The following ANKRD35 variants were observed in gnomAD, a reference collection of about 807,000 sequenced individuals.
The protein encoded by ANKRD35 is ankyrin repeat domain 35.
ANKRD35 carries 102 observed loss-of-function variants against 109.9 expected under a neutral mutation model. The ratio of observed to expected loss-of-function variants is 0.93; its 90% CI spans 0.79 to 1.09. The LOEUF (loss-of-function observed/expected upper bound fraction) is 1.09. ANKRD35 is among the 50% of genes least tolerant of loss of function. The pLI is 0.00. For missense variants in ANKRD35, 1,240 were observed against 1,230.1 expected, an observed-to-expected ratio of 1.01 and a Z score of -0.12; for synonymous variants, 515 against 512.4, an observed-to-expected ratio of 1.01 and a Z score of -0.07.
chr1:145,872,080 C>T lies in ANKRD35; in HGVS notation c.2689G>A (p.Glu897Lys). 1.9e-6 allele frequency: 3 copies of T among 1,613,532 alleles called. No individual in the cohort carries two copies. The highest frequency in any genetic ancestry group is 2.2e-5 in the South Asian group (2 of 91,080). Residue 897 changes from glutamate (E) to lysine (K), a missense_variant, in exon 10 of 14, where the codon GAG (glutamate) becomes AAG (lysine). Coordinates refer to ENST00000355594, the MANE Select transcript of ANKRD35 (RefSeq NM_144698.5). ...AACTGCTCGGAGCGCCCCCGCATCTCGCTGGCCTGGCGCTCTTGTTCGGCT... is the reference window on the plus strand; with the variant it reads ...AACTGCTCGGAGCGCCCCCGCATCTTGCTGGCCTGGCGCTCTTGTTCGGCT... ...QAAEQERQASEMRGRSEQFEK... is the reference protein window; with the variant it reads ...QAAEQERQASKMRGRSEQFEK...
chr1:145,867,898 A>G, intron 12 of ANKRD35, 93 bp downstream of exon 12: 1 of 1,242,734 alleles, frequency 8.0e-7, no homozygotes, highest in Non-Finnish European at 1.2e-6. Flanking sequence ...GCAAGTGTGT[A>G]CAGGGACCCT....
At chr1:145,874,108 G>A (rs1653968732) in intron 9 of ANKRD35, 47 bp downstream of exon 9, 1 of 1,612,228 alleles carries the variant, frequency 6.2e-7, no homozygotes, top group African/African-American at 1.3e-5. Flanking sequence ...CAGTGGGATA[G>A]CCTGGGGTGT....
chr1:145,876,896 G>A lies in ANKRD35; in HGVS notation c.325-23C>T, dbSNP rs201311109. 17 of 1,613,632 alleles carry A rather than the reference G, an allele frequency of 1.1e-5. No homozygotes were observed. In the East Asian group the frequency reaches 1.3e-4, roughly 13 times the overall value. On this transcript the variant is annotated intron_variant, in intron 4 of 13. Coordinates refer to ENST00000355594, the MANE Select transcript of ANKRD35 (RefSeq NM_144698.5). ...ATGCTGCAAATGGCCACAAAGGGAA[G>A]CAGCATGGAGCTTGGTGTTAACATC...
intron 10 of ANKRD35, among the ~76,000 whole-genome samples, chr1:145,871,153 CTTTTTTTTTTTT>C (rs59433424): frequency 1.3e-5 from 1 of 78,098 alleles, no homozygotes; most frequent in Non-Finnish European, 2.6e-5. Flanking sequence ...TTTCTTTTTT[CTTTTTTTTTTTT>C]TTTTTTTTTT....
chr1:145,874,633 TAAAGA>T (rs1192918272), intron 8 of ANKRD35, among the ~76,000 whole-genome samples, 184 bp downstream of exon 8: 1 of 152,218 alleles, frequency 6.6e-6, no homozygotes, highest in African/African-American at 2.4e-5. Context: ...CAGGCTGCAT[TAAAGA>T]ATTTTGTGAT....
At chr1:145,870,805 C>T (rs1016982746) in intron 10 of ANKRD35, among the ~76,000 whole-genome samples, 31 of 151,636 alleles carry the variant, frequency 2.0e-4, no homozygotes, top group Admixed American at 1.8e-3. Context: ...CTGCAACCTC[C>T]ACCTCCCAGG....
rs371021116 is a variant in ANKRD35, at chr1:145,874,934, G to A, written c.633C>T (p.Asp211=). The A allele has an allele frequency of 5.5e-5, 89 of 1,613,264 alleles. No individual in the cohort carries two copies. Among genetic ancestry groups the A allele is most frequent in the African/African-American group, 6.7e-5 (5 of 74,880 alleles). The stretch of plus-strand genomic sequence containing the variant: ...GCCCTGTGCTGTCCACAGCCCCCGC[G>A]TCAGCTCCGTGGCTCAGGAGCAGTT... The part of the protein sequence containing the change: ...VAELLLSHGA[D]AGAVDSTGHD... The change falls in exon 8 of 14, where the codon GAC becomes GAT. Residue 211 remains aspartate (D), a synonymous_variant. Coordinates refer to ENST00000355594, the MANE Select transcript of ANKRD35 (RefSeq NM_144698.5).
chr1:145,877,340 C>T (rs1337820800), intron 4 of ANKRD35, among the ~76,000 whole-genome samples: 4 of 150,876 alleles, frequency 2.7e-5, no homozygotes, highest in African/African-American at 4.9e-5. Context: ...TGAAGCGATT[C>T]TCCTGCCTCA....
Position 145,872,286 on chromosome 1 carries a change from T to A in ANKRD35, c.2483A>T (p.Glu828Val). ...TEEVAELRAREAASLRQHEKT... is the reference protein window; with the variant it reads ...TEEVAELRARVAASLRQHEKT... ...CTCGTGTTGCCGTAGGCTGGCTGCCTCCCGGGCCCTTAGCTCAGCCACTTC... is the reference window on the plus strand; with the variant it reads ...CTCGTGTTGCCGTAGGCTGGCTGCCACCCGGGCCCTTAGCTCAGCCACTTC... The change falls in exon 10 of 14, where the codon GAG becomes GTG. Residue 828 changes from glutamate (E) to valine (V), a missense_variant. Physicochemically the swap from Glu to Val is moderately radical, Grantham distance 121. Transcript: ENST00000355594. The A allele has an allele frequency of 6.2e-7, 1 of 1,612,244 alleles. No homozygotes were observed. The highest frequency in any genetic ancestry group is 8.5e-7 in the Non-Finnish European group (1 of 1,179,332).
At chr1:145,877,862 G>A (rs895614089) in intron 4 of ANKRD35, 106 bp downstream of exon 4, 5 of 1,076,380 alleles carry the variant, frequency 4.6e-6, no homozygotes, top group Non-Finnish European at 7.0e-6. Flanking sequence ...TTGGGGATGA[G>A]GCGAGTACAT....
Position 145,874,986 on chromosome 1 carries a change from CA to C in ANKRD35, c.580del (p.Cys194ValfsTer13), listed in dbSNP as rs782807094. On this transcript the variant is annotated frameshift_variant, in exon 8 of 14. Coordinates refer to ENST00000355594, the MANE Select transcript of ANKRD35 (RefSeq NM_144698.5). LOFTEE classifies it high-confidence loss of function. The part of the protein sequence containing the change: ...KNDKSALILA[C>X]EKGSAEVAEL... Reference sequence around the variant, plus strand: ...AGCCACCTCGGCACTGCCTTTCTCACAGGCCAGGATCAAAGCCGATCTGTGG... The same window carrying C: ...AGCCACCTCGGCACTGCCTTTCTCACGGCCAGGATCAAAGCCGATCTGTGG... 12 of 1,610,306 alleles carry C rather than the reference CA, an allele frequency of 7.5e-6. No individual in the cohort carries two copies. In the Admixed American group the frequency reaches 2.0e-4, roughly 27 times the overall value.
At chr1:145,877,837 T>C in intron 4 of ANKRD35, 131 bp downstream of exon 4, 1 of 810,630 alleles carries the variant, frequency 1.2e-6, no homozygotes, top group Non-Finnish European at 2.0e-6. Context: ...AAACAAATGA[T>C]TATCAGCCCT....
At position 145,870,369 on chromosome 1, in the gene ANKRD35, G is replaced by A. The variant is rs587730734; in HGVS notation, c.2787+1613C>T. Among the ~76,000 whole-genome samples, 4 of 152,194 alleles carry A rather than the reference G, an allele frequency of 2.6e-5. No individual in the cohort carries two copies. The East Asian group carries it at 5.8e-4, about 22-fold the overall frequency. ...AGCCTCCCAAAGTGCTGGGATTACA[G>A]TCATGAGCCACCGCACCCAGCCCCA... is the stretch of plus-strand genomic sequence containing the variant. On this transcript the variant is annotated intron_variant, in intron 10 of 13. Transcript: ENST00000355594.
intron 1 of ANKRD35, 87 bp downstream of exon 1, chr1:145,885,633 C>T: frequency 7.0e-7 from 1 of 1,426,150 alleles, no homozygotes; most frequent in Non-Finnish European, 9.8e-7. Flanking sequence ...AAAGAAAAGG[C>T]GATGATGCAT....
At chr1:145,885,587 T>A (rs1654446737) in intron 1 of ANKRD35, 133 bp downstream of exon 1, 1 of 1,106,066 alleles carries the variant, frequency 9.0e-7, no homozygotes. Context: ...CTGGCGGGCT[T>A]CCTTGCAAGA....
In ANKRD35 at chr1:145,867,972, A is replaced by C; in HGVS notation, c.2943+19T>G. On this transcript the variant is annotated intron_variant, in intron 12 of 13. Coordinates refer to ENST00000355594, the MANE Select transcript of ANKRD35 (RefSeq NM_144698.5). Reference sequence around the variant, plus strand: ...TCAGCTTTATGTCTATACCTCCCTCAAAACTCCACCATGCTCACCCGAGCA... The same window carrying C: ...TCAGCTTTATGTCTATACCTCCCTCCAAACTCCACCATGCTCACCCGAGCA... 6.2e-7 allele frequency: 1 copy of C among 1,613,466 alleles called. No individual in the cohort carries two copies.
intron 1 of ANKRD35, among the ~76,000 whole-genome samples, chr1:145,881,844 C>T (rs1286697720): frequency 6.6e-6 from 1 of 152,048 alleles, no homozygotes; most frequent in African/African-American, 2.4e-5. Flanking sequence ...ATTCTCCAGC[C>T]AGGAGAGTGG....
intron 1 of ANKRD35, among the ~76,000 whole-genome samples, chr1:145,883,479 T>C (rs1261653869): frequency 6.6e-6 from 1 of 152,236 alleles, no homozygotes; most frequent in Non-Finnish European, 1.5e-5. Flanking sequence ...AAGGATATCC[T>C]CTACTTGACT....
In ANKRD35 at chr1:145,872,292, G is replaced by A. The variant is rs781873134; in HGVS notation, c.2477C>T (p.Ala826Val). The stretch of plus-strand genomic sequence containing the variant: ...TTGCCGTAGGCTGGCTGCCTCCCGG[G>A]CCCTTAGCTCAGCCACTTCCTCTGT... ...QATEEVAELR[A>V]REAASLRQHE... The change falls in exon 10 of 14, where the codon GCC becomes GTC. Residue 826 changes from alanine (A) to valine (V), a missense_variant. Transcript: ENST00000355594. 7 of 1,612,308 alleles carry A rather than the reference G, an allele frequency of 4.3e-6. No individual in the cohort carries two copies. The Admixed American group carries it at 1.0e-4, about 23-fold the overall frequency.
Sources: allele counts gnomAD v4.1 joint callset (sites outside exome capture counted in the v4.1 genomes callset), GRCh38; gene constraint gnomAD v4.1.1; transcripts MANE v1.5; gene names NCBI Gene and HGNC (gene_info 2026-07-23, HGNC 2026-07-21).